Variants in TMEM168 observed in about 807,000 individuals in gnomAD.
TMEM168 encodes the protein transmembrane protein 168.
TMEM168 carries 40 observed loss-of-function variants against 53.2 expected under a neutral mutation model. The ratio of observed to expected loss-of-function variants is 0.75; its 90% CI spans 0.58 to 0.98. The LOEUF (loss-of-function observed/expected upper bound fraction) is 0.98, where lower values mean the gene tolerates loss of function less well. Among genes scored for constraint, TMEM168 ranks in the 50% least tolerant of loss-of-function variants. TMEM168 has a pLI of 0.00. For missense variants in TMEM168, 771 were observed against 828.8 expected, an observed-to-expected ratio of 0.93 and a Z score of 0.86; for synonymous variants, 282 against 293.0, an observed-to-expected ratio of 0.96 and a Z score of 0.38.
chr7:112,784,069 T>C lies in TMEM168; in HGVS notation c.757A>G (p.Lys253Glu). ...ATTCTTCCACGGTACAAAAAGGGTTTCCATCTTTCAGTTACTGAAAGTCCA... is the reference window on the plus strand; with the variant it reads ...ATTCTTCCACGGTACAAAAAGGGTTCCCATCTTTCAGTTACTGAAAGTCCA... ...FSGLSVTERW[K>E]PFLYRGRICR... is the part of the protein sequence containing the mutation. Residue 253 changes from lysine to glutamate, a missense_variant, in exon 2 of 5, where the codon AAA (lysine) becomes GAA (glutamate). Coordinates refer to ENST00000312814, the MANE Select transcript of TMEM168 (RefSeq NM_022484.6). 6.2e-7 allele frequency: 1 copy of C among 1,612,712 alleles called. No homozygotes were observed. The highest frequency in any genetic ancestry group is 8.5e-7 in the Non-Finnish European group (1 of 1,179,716).
rs1313647644 is a variant in TMEM168 at position 112,784,455 on chromosome 7, T to C, written c.371A>G (p.Lys124Arg). 1 of 1,614,002 alleles carries C rather than the reference T, an allele frequency of 6.2e-7. No individual in the cohort carries two copies. The highest frequency in any genetic ancestry group is 8.5e-7 in the Non-Finnish European group (1 of 1,179,976). The change falls in exon 2 of 5, where the codon AAA becomes AGA. Residue 124 changes from lysine (K) to arginine (R), a missense_variant. Lys to Arg is a conservative substitution (Grantham distance 26). Coordinates refer to ENST00000312814, the MANE Select transcript of TMEM168 (RefSeq NM_022484.6). ...FKNDVKEEST[K>R]YLLLTSIVLR... ...CACTATGGATGTTAGAAGCAAATAT[T>C]TGGTTGATTCTTCTTTTACATCATT...
At chr7:112,776,428 C>T (rs899839891) in intron 2 of TMEM168, among the ~76,000 whole-genome samples, 9 of 152,098 alleles carry the variant, frequency 5.9e-5, no homozygotes, top group African/African-American at 1.4e-4. Flanking sequence ...TACATTCTTC[C>T]GGTATTGCTA....
chr7:112,777,583 C>G (rs934665934), intron 2 of TMEM168, among the ~76,000 whole-genome samples: 2 of 152,156 alleles, frequency 1.3e-5, no homozygotes, highest in South Asian at 4.1e-4. Flanking sequence ...CCATACTGCT[C>G]TTTCATGCTG....
chr7:112,790,053 G>A (rs1039877129), intron 1 of TMEM168, 107 bp downstream of exon 1: 6 of 152,246 alleles, frequency 3.9e-5, no homozygotes, highest in African/African-American at 1.2e-4. Flanking sequence ...ATCCTACCCC[G>A]GCCCTGGGAG....
chr7:112,786,053 C>A (rs1018458336), intron 1 of TMEM168, among the ~76,000 whole-genome samples: 2 of 152,024 alleles, frequency 1.3e-5, no homozygotes, highest in African/African-American at 2.4e-5. Context: ...ACTAAAAATA[C>A]AAAAATTAGC....
At chr7:112,782,651 A>G (rs1793262705) in intron 2 of TMEM168, among the ~76,000 whole-genome samples, 1 of 152,204 alleles carries the variant, frequency 6.6e-6, no homozygotes, top group South Asian at 2.1e-4. Flanking sequence ...CCAGCTGACT[A>G]GAAATCTAGC....
Position 112,776,732 on chromosome 7 carries a change from T to C in TMEM168, c.1129-1414A>G, listed in dbSNP as rs768606084. ...TCCCAGACTTCATGCAATGTATTTT[T>C]CACAAATACATATTCATGTGTATGT... On this transcript the variant is annotated intron_variant, in intron 2 of 4. Transcript: ENST00000312814. Among the ~76,000 whole-genome samples, 38 of 151,476 alleles carry C rather than the reference T, an allele frequency of 2.5e-4. 1 individual carries two copies. Among genetic ancestry groups the C allele is most frequent in the Middle Eastern group, 3.4e-3 (1 of 292 alleles).
intron 2 of TMEM168, among the ~76,000 whole-genome samples, chr7:112,775,528 T>C (rs1255755991): frequency 1.3e-5 from 2 of 151,948 alleles, no homozygotes; most frequent in African/African-American, 2.4e-5. Flanking sequence ...CTCTTAGTTT[T>C]TTGGAAGTTG....
Position 112,787,214 on chromosome 7 carries a change from G to C in TMEM168, c.-128-2261C>G, listed in dbSNP as rs559053709. On this transcript the variant is annotated intron_variant, in intron 1 of 4. Coordinates refer to ENST00000312814, the MANE Select transcript of TMEM168 (RefSeq NM_022484.6). ...TATCCTCTATGAAGCTCAATCTCGT[G>C]TCCTTTTGACAGCTGGTATTTAGTT... Among the ~76,000 whole-genome samples, 3 of 152,240 alleles carry C rather than the reference G, an allele frequency of 2.0e-5. No individual in the cohort carries two copies. The South Asian group carries it at 6.2e-4, about 32-fold the overall frequency.
chr7:112,784,072 ATCTTTCAG>A lies in TMEM168; in HGVS notation c.746_753del (p.Thr249MetfsTer23), dbSNP rs1793305063. The A allele has an allele frequency of 6.2e-7, 1 of 1,612,724 alleles. No individual in the cohort carries two copies. The highest frequency in any genetic ancestry group is 8.5e-7 in the Non-Finnish European group (1 of 1,179,744). Reference sequence around the variant, plus strand: ...CTTCCACGGTACAAAAAGGGTTTCCATCTTTCAGTTACTGAAAGTCCACTAAAATAAAT... The same window carrying A: ...CTTCCACGGTACAAAAAGGGTTTCCATTACTGAAAGTCCACTAAAATAAAT... On this transcript the variant is annotated frameshift_variant, in exon 2 of 5. Coordinates refer to ENST00000312814, the MANE Select transcript of TMEM168 (RefSeq NM_022484.6). LOFTEE classifies it high-confidence loss of function.
At chr7:112,769,079 T>C (rs1311775391) in intron 4 of TMEM168, among the ~76,000 whole-genome samples, 2 of 152,144 alleles carry the variant, frequency 1.3e-5, no homozygotes, top group African/African-American at 4.8e-5. Flanking sequence ...AGACCCAACA[T>C]TTTCCCCAAA....
intron 2 of TMEM168, among the ~76,000 whole-genome samples, chr7:112,775,614 AC>A (rs1584441982): frequency 1.3e-5 from 2 of 151,320 alleles, no homozygotes; most frequent in East Asian, 3.9e-4. Flanking sequence ...AAAAAAAAAA[AC>A]AAAACAAACC....
chr7:112,773,417 C>G (rs1245245967), intron 3 of TMEM168, among the ~76,000 whole-genome samples: 2 of 150,520 alleles, frequency 1.3e-5, no homozygotes, highest in African/African-American at 4.9e-5. Flanking sequence ...TGGGTGGGGA[C>G]TATTAAAAAA....
At chr7:112,787,975 G>A (rs149381703) in intron 1 of TMEM168, among the ~76,000 whole-genome samples, 7 of 151,130 alleles carry the variant, frequency 4.6e-5, no homozygotes, top group Middle Eastern at 3.4e-3. Context: ...CAGGTGATCC[G>A]TCCGCCTTGG....
intron 3 of TMEM168, among the ~76,000 whole-genome samples, chr7:112,774,020 G>A (rs1362688012): frequency 2.0e-5 from 3 of 152,024 alleles, no homozygotes; most frequent in East Asian, 1.9e-4. Flanking sequence ...AGTCTTTAAC[G>A]AAGGAAAATA....
At position 112,765,587 on chromosome 7, in the gene TMEM168, T is replaced by TTTTA. The variant is rs1338297487; in HGVS notation, c.*1606_*1609dup. On this transcript the variant is annotated 3_prime_UTR_variant, in exon 5 of 5. Coordinates refer to ENST00000312814, the MANE Select transcript of TMEM168 (RefSeq NM_022484.6). Reference sequence around the variant, plus strand: ...CAGAGCAATAAAAAAAACTATACTATTTTATTTGGACAATACTAATATAAA... The same window carrying TTTTA: ...CAGAGCAATAAAAAAAACTATACTATTTTATTTATTTGGACAATACTAATATAAA... 2.4e-4 allele frequency: 36 copies of TTTTA among 152,140 alleles called. No homozygotes were observed. The highest frequency in any genetic ancestry group is 8.7e-4 in the African/African-American group (36 of 41,458). 9.4% of individuals were successfully genotyped at this position (152,140 alleles called of 1,614,324 possible).
In TMEM168 at chr7:112,784,108, C is replaced by A; in HGVS notation, c.718G>T (p.Asp240Tyr). ...ACTGAAAGTCCACTAAAATAAATGT[C>A]AAGGAAAGGATCAGTTATCAGGCAA... Reference protein sequence around the residue: ...FICLITDPFLDIYFSGLSVTE... With the variant: ...FICLITDPFLYIYFSGLSVTE... Residue 240 changes from aspartate (D) to tyrosine (Y), a missense_variant, in exon 2 of 5, where the codon GAC (aspartate) becomes TAC (tyrosine). Physicochemically the swap from Asp to Tyr is radical, Grantham distance 160. Coordinates refer to ENST00000312814, the MANE Select transcript of TMEM168 (RefSeq NM_022484.6). 1 of 1,613,376 alleles carries A rather than the reference C, an allele frequency of 6.2e-7. No individual in the cohort carries two copies.
chr7:112,784,262 A>T lies in TMEM168; in HGVS notation c.564T>A (p.Ala188=), dbSNP rs758956054. The change falls in exon 2 of 5, where the codon GCT becomes GCA. Residue 188 remains alanine, a synonymous_variant. Transcript: ENST00000312814. ...LSVILLVVAL[A]MLIIDLRMKS... is the part of the protein sequence containing the mutation. ...TCATTCTCAGATCAATAATCAGCAT[A>T]GCCAGAGCTACAACAAGCAAAATGA... 2.8e-5 allele frequency: 45 copies of T among 1,614,032 alleles called. No individual in the cohort carries two copies. Among genetic ancestry groups the T allele is most frequent in the Non-Finnish European group, 3.8e-5 (45 of 1,180,010 alleles).
intron 2 of TMEM168, among the ~76,000 whole-genome samples, chr7:112,777,074 T>C (rs1485271639): frequency 6.6e-6 from 1 of 152,142 alleles, no homozygotes; most frequent in East Asian, 1.9e-4. Context: ...TGTTTGGTTC[T>C]GAACATAGTT....
Sources: allele counts gnomAD v4.1 joint callset (sites outside exome capture counted in the v4.1 genomes callset), GRCh38; gene constraint gnomAD v4.1.1; transcripts MANE v1.5; gene names NCBI Gene and HGNC (gene_info 2026-07-23, HGNC 2026-07-21).